Variants in PIGR observed in about 807,000 individuals in gnomAD.
PIGR encodes polymeric immunoglobulin receptor.
PIGR carries 22 observed loss-of-function variants against 69.5 expected under a neutral mutation model. The observed-to-expected ratio is 0.32, with a 90% CI of 0.23 to 0.45. PIGR has a LOEUF of 0.45. Among genes scored for constraint, PIGR ranks in the 20% least tolerant of loss-of-function variants. The pLI, the probability that PIGR is intolerant of heterozygous loss-of-function variation, is 1.00. For synonymous variants in PIGR, 413 were observed against 407.6 expected (o/e 1.01, Z -0.16); for missense variants, 885 against 974.0 (o/e 0.91, Z 1.22).
intron 1 of PIGR, among the ~76,000 whole-genome samples, chr1:206,941,954 TC>T (rs1679996303): frequency 6.6e-6 from 1 of 152,172 alleles, no homozygotes; most frequent in Non-Finnish European, 1.5e-5. Context: ...GGGCGTTATC[TC>T]CCAGACCTCC....
intron 1 of PIGR, among the ~76,000 whole-genome samples, chr1:206,942,373 G>A (rs1210991718): frequency 6.6e-6 from 1 of 152,210 alleles, no homozygotes; most frequent in Non-Finnish European, 1.5e-5. Context: ...GGTGGGAGCA[G>A]CTTTCAGGAG....
At chr1:206,942,772 A>T (rs1680013573) in intron 1 of PIGR, among the ~76,000 whole-genome samples, 1 of 152,040 alleles carries the variant, frequency 6.6e-6, no homozygotes, top group Non-Finnish European at 1.5e-5. Context: ...TAGAGAGGGG[A>T]CATGTGTGTG....
chr1:206,932,715 C>A, intron 7 of PIGR, 138 bp from the exon 8 acceptor site: 1 of 1,120,128 alleles, frequency 8.9e-7, no homozygotes, highest in Non-Finnish European at 1.2e-6. Flanking sequence ...TAGCTCTGTT[C>A]TTCTAAGAAG....
Position 206,932,415 on chromosome 1 carries a change from C to T in PIGR, c.2008+41G>A, listed in dbSNP as rs562016760. ...GGTGGATGATTCAGGACTGAGGGCT[C>T]GGGTTGGAGGTGGGAGGCAGGGAGT... On this transcript the variant is annotated intron_variant, in intron 8 of 10. Coordinates refer to ENST00000356495, the MANE Select transcript of PIGR (RefSeq NM_002644.4). 38 of 1,578,232 alleles carry T rather than the reference C, an allele frequency of 2.4e-5. No homozygotes were observed. The African/African-American group carries it at 4.2e-4, about 17-fold the overall frequency.
In PIGR at chr1:206,935,936, C is replaced by G. The variant is rs1380404725; in HGVS notation, c.1046-118G>C. The G allele has an allele frequency of 3.0e-6, 2 of 677,400 alleles. No homozygotes were observed. Among genetic ancestry groups the G allele is most frequent in the East Asian group, 5.4e-5 (2 of 37,182 alleles). 42.0% of individuals were successfully genotyped at this position (677,400 alleles called of 1,614,324 possible). A position where few individuals can be genotyped will look rare whatever the true frequency, so the allele number is the denominator to read the frequency against. On this transcript the variant is annotated intron_variant, in intron 4 of 10. Transcript: ENST00000356495. This position sits in a 1 kb window ranked among gnomAD's most constrained non-coding sequence, Gnocchi z 4.4. Reference sequence around the variant, plus strand: ...GATGGGGAGTGAAGTTTACACGCATCACCTTACCCTCTTCAGAAAATGAAA... The same window carrying G: ...GATGGGGAGTGAAGTTTACACGCATGACCTTACCCTCTTCAGAAAATGAAA...
chr1:206,944,575 C>T (rs527608387), intron 1 of PIGR, among the ~76,000 whole-genome samples: 1 of 152,182 alleles, frequency 6.6e-6, no homozygotes, highest in African/African-American at 2.4e-5. Flanking sequence ...TTATTTAGCA[C>T]CTACCATGTG....
At position 206,939,271 on chromosome 1, in the gene PIGR, G is replaced by A; in HGVS notation, c.236C>T (p.Ala79Val). 3 of 1,614,200 alleles carry A rather than the reference G, an allele frequency of 1.9e-6. No homozygotes were observed. Among genetic ancestry groups the A allele is most frequent in the Non-Finnish European group, 2.5e-6 (3 of 1,180,028 alleles). Residue 79 changes from alanine (A) to valine (V), a missense_variant, in exon 3 of 11, where the codon GCA (alanine) becomes GTA (valine). Transcript: ENST00000356495. ...SSEGYVSSKY[A>V]GRANLTNFPE... ...GAAGTTGGTGAGGTTAGCCCTGCCT[G>A]CATATTTGCTGGAGACGTAGCCCTC... is the stretch of plus-strand genomic sequence containing the variant.
At chr1:206,940,753 T>A (rs1679966518) in intron 1 of PIGR, among the ~76,000 whole-genome samples, 169 bp from the exon 2 acceptor site, 1 of 152,238 alleles carries the variant, frequency 6.6e-6, no homozygotes. Context: ...AGTCTTATCA[T>A]CCTTCAACAC....
intron 1 of PIGR, among the ~76,000 whole-genome samples, chr1:206,945,047 G>A (rs1298737560): frequency 6.6e-6 from 1 of 152,198 alleles, no homozygotes; most frequent in Non-Finnish European, 1.5e-5. Flanking sequence ...TAAAGCCACA[G>A]AGGTCTAGCG....
At position 206,935,426 on chromosome 1, in the gene PIGR, G is replaced by T; in HGVS notation, c.1378+60C>A. On this transcript the variant is annotated intron_variant, in intron 5 of 10. Coordinates refer to ENST00000356495, the MANE Select transcript of PIGR (RefSeq NM_002644.4). The surrounding 1 kb of genome is among the most constrained non-coding windows in gnomAD (Gnocchi z 4.4). ...GGGTGAAAAAGGAGGAAGAGTGGTTGGGGATGCTGCTGCTGGCTGGAGAGG... is the reference window on the plus strand; with the variant it reads ...GGGTGAAAAAGGAGGAAGAGTGGTTTGGGATGCTGCTGCTGGCTGGAGAGG... 7.2e-7 allele frequency: 1 copy of T among 1,387,998 alleles called. No individual in the cohort carries two copies. Among genetic ancestry groups the T allele is most frequent in the Non-Finnish European group, 1.0e-6 (1 of 997,816 alleles). 86.0% of individuals were successfully genotyped at this position (1,387,998 alleles called of 1,614,324 possible). A position where few individuals can be genotyped will look rare whatever the true frequency, so the allele number is the denominator to read the frequency against.
rs1231014902 is a variant in PIGR at position 206,931,661 on chromosome 1, AG to A, written c.2140+9del. The A allele has an allele frequency of 6.2e-7, 1 of 1,614,104 alleles. No homozygotes were observed. ...CAGGGGCTGAGCATTCCCTTGAGTG[AG>A]GGTCATACCTTCTTTTCCTCCGAGG... On this transcript the variant is annotated intron_variant, in intron 9 of 10. Transcript: ENST00000356495.
intron 2 of PIGR, 141 bp downstream of exon 2, chr1:206,940,348 G>T: frequency 1.4e-6 from 1 of 720,314 alleles, no homozygotes; most frequent in South Asian, 1.9e-5. Context: ...TTCTCTGTAT[G>T]ACTCTTCCTC....
intron 3 of PIGR, 151 bp from the exon 4 acceptor site, chr1:206,937,902 G>T: frequency 1.5e-6 from 1 of 668,610 alleles, no homozygotes; most frequent in Non-Finnish European, 2.5e-6. Context: ...GGAAGGCCCA[G>T]CTTGACAGCG....
In PIGR at chr1:206,930,314, C is replaced by T. The variant is rs1375453674; in HGVS notation, c.*4G>A. The T allele has an allele frequency of 1.2e-6, 2 of 1,609,094 alleles. No individual in the cohort carries two copies. Among genetic ancestry groups the T allele is most frequent in the Non-Finnish European group, 1.7e-6 (2 of 1,177,544 alleles). On this transcript the variant is annotated 3_prime_UTR_variant, in exon 11 of 11. Coordinates refer to ENST00000356495, the MANE Select transcript of PIGR (RefSeq NM_002644.4). This position sits in a 1 kb window ranked among gnomAD's most constrained non-coding sequence, Gnocchi z 4.3. ...TGGGTGCAGGGAGCAGGCGGCGACA[C>T]CGTCTAGGCTTCCTGGGGGCCGTCC... is the stretch of plus-strand genomic sequence containing the variant.
intron 3 of PIGR, 95 bp downstream of exon 3, chr1:206,939,024 C>T (rs1679928410): frequency 1.8e-6 from 2 of 1,117,450 alleles, no homozygotes; most frequent in African/African-American, 1.6e-5. Context: ...CCCGGCTACA[C>T]ATCCTTGTCA....
At chr1:206,931,918 G>A in intron 8 of PIGR, 116 bp from the exon 9 acceptor site, 3 of 1,152,718 alleles carry the variant, frequency 2.6e-6, no homozygotes, top group Non-Finnish European at 3.9e-6. Flanking sequence ...CTGAGGTGGT[G>A]CAGCTCTGAC....
rs758682613 is a variant in PIGR at position 206,932,465 on chromosome 1, T to C, written c.1999A>G (p.Lys667Glu). 6.2e-7 allele frequency: 1 copy of C among 1,611,560 alleles called. No individual in the cohort carries two copies. Among genetic ancestry groups the C allele is most frequent in the South Asian group, 1.1e-5 (1 of 90,806 alleles). Residue 667 changes from lysine to glutamate, a missense_variant, in exon 8 of 11, where the codon AAG becomes GAG. Physicochemically the swap from Lys to Glu is moderately conservative, Grantham distance 56. Coordinates refer to ENST00000356495, the MANE Select transcript of PIGR (RefSeq NM_002644.4). The part of the protein sequence containing the change: ...AVGVARARHR[K>E]NVDRVSIRSY... ...TATCCCAGGGACTCACCGACGTTCT[T>C]CCTGTGCCGGGCTCTGGCCACCCCC...
rs746531455 is a variant in PIGR, at chr1:206,937,531, G to A, written c.609C>T (p.Phe203=). ...GCCTGAGTTGGTTGATGACAACGCT[G>A]AACAGTAACTGGCCAGTACCCTGAA... is the stretch of plus-strand genomic sequence containing the variant. ...LDIQGTGQLL[F]SVVINQLRLS... Residue 203 remains phenylalanine, a synonymous_variant, in exon 4 of 11, where the codon TTC becomes TTT. Coordinates refer to ENST00000356495, the MANE Select transcript of PIGR (RefSeq NM_002644.4). The A allele has an allele frequency of 2.5e-6, 4 of 1,614,202 alleles. No individual in the cohort carries two copies. The highest frequency in any genetic ancestry group is 3.4e-6 in the Non-Finnish European group (4 of 1,180,030).
At chr1:206,934,289 C>G in intron 6 of PIGR, 131 bp downstream of exon 6, 1 of 724,922 alleles carries the variant, frequency 1.4e-6, no homozygotes, top group Non-Finnish European at 2.2e-6. Flanking sequence ...CCCTCCCTTC[C>G]CACTCTCCAC....
Sources: allele counts gnomAD v4.1 joint callset (sites outside exome capture counted in the v4.1 genomes callset), GRCh38; gene constraint gnomAD v4.1.1; non-coding constraint Gnocchi (gnomAD v3.1); transcripts MANE v1.5; gene names NCBI Gene and HGNC (gene_info 2026-07-23, HGNC 2026-07-21).